The following ACMSD variants were observed in gnomAD, a reference collection of about 807,000 sequenced individuals.
ACMSD encodes the protein 2-amino-3-carboxymuconate-6-semialdehyde decarboxylase.
In ACMSD, 37 loss-of-function variants were observed where a neutral mutation model predicts 45.9. The ratio of observed to expected loss-of-function variants is 0.81; its 90% confidence interval spans 0.62 to 1.06. The LOEUF is 1.06. ACMSD is among the 50% of genes least tolerant of loss of function. ACMSD has a pLI of 0.00. For synonymous variants in ACMSD, 138 were observed against 148.8 expected, an observed-to-expected ratio of 0.93 and a Z score of 0.53; for missense variants, 434 against 420.9, an observed-to-expected ratio of 1.03 and a Z score of -0.27.
chr2:134,878,146 C>T (rs1688851855), intron 8 of ACMSD, among the ~76,000 whole-genome samples: 1 of 152,126 alleles, frequency 6.6e-6, no homozygotes, highest in African/African-American at 2.4e-5. Context: ...TCCTCACACA[C>T]TCAATATAAA....
At chr2:134,839,631 T>C (rs901710841) in intron 1 of ACMSD, among the ~76,000 whole-genome samples, 1 of 152,248 alleles carries the variant, frequency 6.6e-6, no homozygotes, top group Non-Finnish European at 1.5e-5. Context: ...TAGATGAAAC[T>C]ATTTTCTTCT....
At chr2:134,878,161 C>T (rs887552907) in intron 8 of ACMSD, among the ~76,000 whole-genome samples, 2 of 152,040 alleles carry the variant, frequency 1.3e-5, no homozygotes, top group Middle Eastern at 3.2e-3. Flanking sequence ...TATAAAATGG[C>T]GAGACAAGCA....
At chr2:134,885,285 T>TA (rs10636216) in intron 8 of ACMSD, among the ~76,000 whole-genome samples, 17 of 104,364 alleles carry the variant, frequency 1.6e-4, no homozygotes, top group South Asian at 4.8e-4. Flanking sequence ...ATATTATATA[T>TA]TATATTTATA....
At chr2:134,852,091 T>C (rs936652169) in intron 2 of ACMSD, among the ~76,000 whole-genome samples, 21 of 152,130 alleles carry the variant, frequency 1.4e-4, no homozygotes, top group African/African-American at 5.1e-4. Context: ...TTAGACTACT[T>C]TGAAAAGAGT....
intron 4 of ACMSD, 133 bp from the exon 5 acceptor site, chr2:134,863,262 G>T: frequency 9.7e-7 from 1 of 1,031,146 alleles, no homozygotes; most frequent in Non-Finnish European, 1.4e-6. Flanking sequence ...CCCAATCTGT[G>T]CCTCTGTTTT....
intron 1 of ACMSD, among the ~76,000 whole-genome samples, chr2:134,844,630 A>C (rs1048703205): frequency 6.6e-6 from 1 of 152,128 alleles, no homozygotes; most frequent in African/African-American, 2.4e-5. Context: ...AGTACTTCTG[A>C]CCTACTAGGA....
At chr2:134,890,054 C>T (rs1189421590) in intron 8 of ACMSD, among the ~76,000 whole-genome samples, 1 of 151,642 alleles carries the variant, frequency 6.6e-6, no homozygotes, top group African/African-American at 2.4e-5. Flanking sequence ...ATGATAATAC[C>T]AGTGGATGAA....
chr2:134,880,546 T>G (rs957091147), intron 8 of ACMSD, among the ~76,000 whole-genome samples: 1 of 152,184 alleles, frequency 6.6e-6, no homozygotes, highest in Non-Finnish European at 1.5e-5. Context: ...AGGCTTCTAT[T>G]TAGTTGGTCT....
intron 1 of ACMSD, among the ~76,000 whole-genome samples, chr2:134,840,990 C>T (rs1239499213): frequency 1.3e-5 from 2 of 152,180 alleles, no homozygotes; most frequent in Non-Finnish European, 2.9e-5. Context: ...TTAGCTACCA[C>T]TTATGAGTGA....
chr2:134,897,114 A>G (rs985286635), intron 8 of ACMSD, among the ~76,000 whole-genome samples: 1 of 152,112 alleles, frequency 6.6e-6, no homozygotes, highest in African/African-American at 2.4e-5. Context: ...TATACACTTT[A>G]AAGGGGGTGA....
intron 1 of ACMSD, among the ~76,000 whole-genome samples, chr2:134,840,591 G>GT (rs1418614722): frequency 2.6e-5 from 4 of 152,120 alleles, no homozygotes; most frequent in African/African-American, 4.8e-5. Context: ...CTTCTGCCAC[G>GT]TGAGGGCACA....
chr2:134,857,267 G>A lies in ACMSD; in HGVS notation c.103-1994G>A, dbSNP rs530382062. On this transcript the variant is annotated intron_variant, in intron 2 of 9. Coordinates refer to ENST00000356140, the MANE Select transcript of ACMSD (RefSeq NM_138326.3). ...AGCCTGGCCAACATGGTGAAACCCC[G>A]TCTCTACTAAAAACACAAAAATTAG... Among the ~76,000 whole-genome samples the A allele has an allele frequency of 2.4e-4, 36 of 152,034 alleles. 1 individual carries two copies. The highest frequency in any genetic ancestry group is 8.0e-4 in the African/African-American group (33 of 41,458).
chr2:134,894,304 G>A (rs182748251), intron 8 of ACMSD, among the ~76,000 whole-genome samples: 238 of 151,990 alleles, frequency 1.6e-3, no homozygotes, highest in South Asian at 7.1e-3. Context: ...CAGTACTACA[G>A]AACTTACAGA....
chr2:134,863,679 C>A (rs748887601), intron 5 of ACMSD, 48 bp downstream of exon 5: 1 of 1,590,694 alleles, frequency 6.3e-7, no homozygotes. Flanking sequence ...AGTGCCTGGG[C>A]CGGGGGCACC....
Position 134,849,102 on chromosome 2 carries a change from AT to A in ACMSD, c.102+3836del, listed in dbSNP as rs986974193. The stretch of plus-strand genomic sequence containing the variant: ...CCAGCTGCAGGGACAGGCAGCTGTG[AT>A]TTTTTTTTTTCTTTCTTACTCCATG... On this transcript the variant is annotated intron_variant, in intron 2 of 9. Transcript: ENST00000356140. 5.1e-4 allele frequency among the ~76,000 whole-genome samples: 75 copies of A among 147,926 alleles called. 1 individual carries two copies. The highest frequency in any genetic ancestry group is 2.6e-3 in the East Asian group (13 of 5,052).
chr2:134,863,080 C>T, intron 4 of ACMSD: 1 of 975,944 alleles, frequency 1.0e-6, no homozygotes, highest in East Asian at 1.1e-4. Context: ...GATCTTTCTG[C>T]AGTTGGCAGT....
intron 1 of ACMSD, among the ~76,000 whole-genome samples, chr2:134,843,229 T>C (rs1021456418): frequency 6.6e-6 from 1 of 151,672 alleles, no homozygotes; most frequent in Non-Finnish European, 1.5e-5. Flanking sequence ...AGAGCAGGGG[T>C]TGAGGGCACA....
chr2:134,874,701 C>A (rs1485242181), intron 8 of ACMSD, among the ~76,000 whole-genome samples: 2 of 152,020 alleles, frequency 1.3e-5, no homozygotes, highest in African/African-American at 4.8e-5. Context: ...AGGAAATAAT[C>A]AACTCCAAGA....
intron 8 of ACMSD, among the ~76,000 whole-genome samples, chr2:134,891,508 G>A (rs1208387537): frequency 6.6e-6 from 1 of 152,106 alleles, no homozygotes; most frequent in African/African-American, 2.4e-5. Context: ...CTGATCATCT[G>A]AGAAATGCAA....
Sources: gnomAD v4.1 joint callset for allele counts (sites outside exome capture counted in the v4.1 genomes callset) on GRCh38, gnomAD v4.1.1 for gene constraint, MANE v1.5 for transcripts, NCBI Gene and HGNC (gene_info 2026-07-23, HGNC 2026-07-21) for gene names.